SRGAP2: variants seen among roughly 807,000 people sequenced by gnomAD.
SRGAP2 encodes the protein SLIT-ROBO Rho GTPase activating protein 2.
Under a neutral mutation model 57.2 loss-of-function variants are expected in SRGAP2, and 15 were observed. The observed-to-expected ratio is 0.26, with a 90% CI of 0.18 to 0.40. The LOEUF (loss-of-function observed/expected upper bound fraction) is 0.40, where lower values mean the gene tolerates loss of function less well. Among genes scored for constraint, SRGAP2 ranks in the 10% least tolerant of loss-of-function variants. The probability of loss-of-function intolerance (pLI) is 1.00; values close to 1 mark genes in which losing one functional copy is unlikely to be tolerated. For missense variants in SRGAP2, 520 were observed against 669.6 expected (o/e 0.78, Z 2.47); for synonymous variants, 249 against 248.0 (o/e 1.00, Z -0.04).
In SRGAP2 at chr1:206,321,712, A is replaced by G. The variant is rs1224151800; in HGVS notation, c.260+18239A>G. ...TTTATTCAACAGGTTATAATCCTTT[A>G]CCATCTTTATTTTAATGTTCATATT... On this transcript the variant is annotated intron_variant, in intron 3 of 22. Coordinates refer to ENST00000573034, the MANE Select transcript of SRGAP2 (RefSeq NM_015326.5). Among the ~76,000 whole-genome samples the G allele has an allele frequency of 2.9e-5, 4 of 140,178 alleles. No individual in the cohort carries two copies. The East Asian group carries it at 8.5e-4, about 30-fold the overall frequency. The allele number at this position is 140,178 out of a possible 152,430, so 92.0% of individuals were successfully genotyped here.
At chr1:206,295,835 G>T (rs1671560145) in intron 2 of SRGAP2, among the ~76,000 whole-genome samples, 2 of 152,192 alleles carry the variant, frequency 1.3e-5, no homozygotes, top group South Asian at 4.1e-4. Flanking sequence ...CAGCCCCTTT[G>T]CAAGGGACCA....
chr1:206,303,497 C>T (rs1487222217), intron 3 of SRGAP2, 24 bp downstream of exon 3: 3 of 1,312,856 alleles, frequency 2.3e-6, no homozygotes, highest in Admixed American at 2.9e-5. Context: ...GGCTATTACT[C>T]TCTGAGACCT....
rs781788641 is a variant in SRGAP2, at chr1:206,438,039, G to A, written c.1709G>A (p.Arg570Gln). The A allele has an allele frequency of 2.6e-6, 2 of 780,718 alleles. No individual in the cohort carries two copies. The highest frequency in any genetic ancestry group is 2.4e-6 in the Non-Finnish European group (1 of 417,956). 48.4% of individuals were successfully genotyped at this position (780,718 alleles called of 1,614,324 possible). ...GCTGGTGTCCTGAAGCTTTACTTCCGGGGGCTGGAACACCCTCTCTTCCCC... is the reference window on the plus strand; with the variant it reads ...GCTGGTGTCCTGAAGCTTTACTTCCAGGGGCTGGAACACCCTCTCTTCCCC... ...SIAGVLKLYF[R>Q]GLEHPLFPKD... Residue 570 changes from arginine to glutamine, a missense_variant, in exon 16 of 23, where the codon CGG becomes CAG. Arg to Gln is a conservative substitution (Grantham distance 43, BLOSUM62 1). Transcript: ENST00000573034.
chr1:206,339,138 G>C (rs1160212952), intron 3 of SRGAP2, among the ~76,000 whole-genome samples: 1 of 149,920 alleles, frequency 6.7e-6, no homozygotes, highest in African/African-American at 2.5e-5. Flanking sequence ...TTGTTTTAAA[G>C]TTGAGTCACT....
At chr1:206,347,285 A>G (rs1434186430) in intron 4 of SRGAP2, among the ~76,000 whole-genome samples, 2 of 152,030 alleles carry the variant, frequency 1.3e-5, no homozygotes, top group African/African-American at 4.8e-5. Flanking sequence ...AAAACAAAAA[A>G]CAAAACAGAG....
chr1:206,393,586 A>G lies in SRGAP2; in HGVS notation c.744A>G (p.Lys248=). The change falls in exon 7 of 23, where the codon AAA becomes AAG. Residue 248 remains lysine (K), a synonymous_variant. Coordinates refer to ENST00000573034, the MANE Select transcript of SRGAP2 (RefSeq NM_015326.5). The part of the protein sequence containing the change: ...KYTENKLKAI[K]ARNEYLLALE... Reference sequence around the variant, plus strand: ...CGGAGAATAAGCTGAAGGCCATCAAAGCCCGGAATGAGTACTTGCTGGCTT... The same window carrying G: ...CGGAGAATAAGCTGAAGGCCATCAAGGCCCGGAATGAGTACTTGCTGGCTT... 1.3e-6 allele frequency: 1 copy of G among 778,666 alleles called. No homozygotes were observed. Among genetic ancestry groups the G allele is most frequent in the South Asian group, 1.3e-5 (1 of 74,128 alleles). The allele number at this position is 778,666 out of a possible 1,614,324, so 48.2% of individuals were successfully genotyped here. A position where few individuals can be genotyped will look rare whatever the true frequency, so the allele number is the denominator to read the frequency against.
chr1:206,220,421 C>G (rs1666910086), intron 2 of SRGAP2, among the ~76,000 whole-genome samples: 1 of 152,088 alleles, frequency 6.6e-6, no homozygotes, highest in Non-Finnish European at 1.5e-5. Flanking sequence ...CATGGGAACC[C>G]CCTCCCCACC....
chr1:206,276,964 TC>T (rs1278534755), intron 2 of SRGAP2, among the ~76,000 whole-genome samples: 1 of 148,976 alleles, frequency 6.7e-6, no homozygotes, highest in Non-Finnish European at 1.5e-5. Context: ...CATCTATCAC[TC>T]TTTTTTTTTT....
intron 18 of SRGAP2, 66 bp from the exon 19 acceptor site, chr1:206,450,320 T>A: frequency 2.6e-6 from 2 of 762,046 alleles, no homozygotes; most frequent in Non-Finnish European, 4.9e-6. Context: ...GGAGGCTGTA[T>A]GAAGGGGAAG....
chr1:206,285,781 G>A (rs1670990856), intron 2 of SRGAP2, among the ~76,000 whole-genome samples: 1 of 152,106 alleles, frequency 6.6e-6, no homozygotes, highest in Admixed American at 6.5e-5. Flanking sequence ...GGTTCTCATG[G>A]CTTGGCTTCC....
chr1:206,362,133 AG>A (rs1553340721), intron 4 of SRGAP2, among the ~76,000 whole-genome samples: 1 of 151,988 alleles, frequency 6.6e-6, no homozygotes, highest in African/African-American at 2.4e-5. Flanking sequence ...TCCCCAGGTT[AG>A]ATGTAAGGAA....
intron 3 of SRGAP2, among the ~76,000 whole-genome samples, chr1:206,340,847 A>G (rs1193896307): frequency 1.3e-5 from 2 of 149,302 alleles, no homozygotes; most frequent in Non-Finnish European, 3.0e-5. Flanking sequence ...TAAATTAATT[A>G]TGTGTCTCTC....
intron 2 of SRGAP2, among the ~76,000 whole-genome samples, chr1:206,302,504 A>G (rs1671930599): frequency 2.0e-5 from 3 of 151,300 alleles, no homozygotes; most frequent in South Asian, 2.1e-4. Context: ...TACAGCATCT[A>G]TGAAGATTAA....
intron 4 of SRGAP2, among the ~76,000 whole-genome samples, chr1:206,373,757 TC>T (rs1553343218): frequency 1.9e-5 from 2 of 102,796 alleles, no homozygotes; most frequent in African/African-American, 7.8e-5. Context: ...GAGAGACATT[TC>T]CTAGTAAAGA....
At chr1:206,208,655 G>A (rs1666112031) in intron 2 of SRGAP2, among the ~76,000 whole-genome samples, 2 of 152,208 alleles carry the variant, frequency 1.3e-5, no homozygotes, top group East Asian at 1.9e-4. Context: ...AAGGGCCTGC[G>A]ATCTGGTTTG....
intron 4 of SRGAP2, among the ~76,000 whole-genome samples, chr1:206,366,718 C>A (rs1266173871): frequency 6.7e-6 from 1 of 149,720 alleles, no homozygotes; most frequent in African/African-American, 2.5e-5. Flanking sequence ...ATTAAGGGGA[C>A]TCCTGAAAGC....
chr1:206,430,532 C>T (rs1661198711), intron 14 of SRGAP2, among the ~76,000 whole-genome samples: 1 of 152,224 alleles, frequency 6.6e-6, no homozygotes, highest in South Asian at 2.1e-4. Context: ...ACAGTAGTTT[C>T]ACCATTACTC....
At chr1:206,411,081 C>T (rs528847989) in intron 10 of SRGAP2, among the ~76,000 whole-genome samples, 30 of 152,296 alleles carry the variant, frequency 2.0e-4, no homozygotes, top group African/African-American at 7.0e-4. Context: ...AGGCTGGTCT[C>T]AAACTCCTGA....
chr1:206,265,489 G>A (rs1669789632), intron 2 of SRGAP2, among the ~76,000 whole-genome samples: 1 of 62,758 alleles, frequency 1.6e-5, no homozygotes, highest in Admixed American at 1.8e-4. Context: ...CTCTTTGAAT[G>A]TTCATTAATA....
Sources: gnomAD v4.1 joint callset for allele counts (sites outside exome capture counted in the v4.1 genomes callset) on GRCh38, gnomAD v4.1.1 for gene constraint, MANE v1.5 for transcripts, NCBI Gene and HGNC (gene_info 2026-07-23, HGNC 2026-07-21) for gene names.